CSRNP3: variants seen among roughly 807,000 people sequenced by gnomAD.
CSRNP3 encodes the protein cysteine/serine-rich nuclear protein 3.
A neutral mutation model predicts 48.0 loss-of-function variants in CSRNP3; 12 were observed. That is an observed-to-expected ratio of 0.25 (90% CI 0.16 to 0.41). The LOEUF is 0.41. Among genes scored for constraint, CSRNP3 ranks in the 10% least tolerant of loss-of-function variants. The pLI is 1.00. For missense variants in CSRNP3, 580 were observed against 724.4 expected (o/e 0.80, Z 2.29); for synonymous variants, 263 against 269.7 (o/e 0.98, Z 0.24).
At chr2:165,595,972 T>G (rs1486072645) in intron 4 of CSRNP3, among the ~76,000 whole-genome samples, 2 of 151,856 alleles carry the variant, frequency 1.3e-5, no homozygotes, top group South Asian at 2.1e-4. Context: ...AATTATTTTA[T>G]TTTATTTTTT....
At chr2:165,505,118 A>C (rs1382356408) in intron 2 of CSRNP3, among the ~76,000 whole-genome samples, 2 of 152,106 alleles carry the variant, frequency 1.3e-5, no homozygotes, top group Non-Finnish European at 2.9e-5. Flanking sequence ...TGGGGTTATA[A>C]ATTCATTCTT....
chr2:165,668,796 T>G (rs1687279896), intron 5 of CSRNP3, among the ~76,000 whole-genome samples: 2 of 152,298 alleles, frequency 1.3e-5, no homozygotes, highest in South Asian at 4.1e-4. Context: ...TAGAGTGTAC[T>G]GCCACGTTGT....
chr2:165,667,433 T>A (rs1040217721), intron 5 of CSRNP3, among the ~76,000 whole-genome samples: 6 of 152,212 alleles, frequency 3.9e-5, no homozygotes, highest in African/African-American at 1.2e-4. Context: ...ATATTGTTAT[T>A]CAGAACTAGC....
intron 5 of CSRNP3, among the ~76,000 whole-genome samples, chr2:165,669,816 C>T (rs1439305761): frequency 1.3e-5 from 2 of 152,136 alleles, no homozygotes; most frequent in African/African-American, 2.4e-5. Flanking sequence ...CGTGCCCACT[C>T]ACACATGCCC....
chr2:165,610,286 C>T (rs888624570), intron 4 of CSRNP3, among the ~76,000 whole-genome samples: 6 of 152,172 alleles, frequency 3.9e-5, no homozygotes, highest in African/African-American at 1.4e-4. Context: ...CTTAATCTAG[C>T]ATCTTTTCCA....
In CSRNP3 at chr2:165,679,114, G is replaced by A. The variant is rs1687480520; in HGVS notation, c.1119G>A (p.Glu373=). ...SLAPSESDEE[E]EEEEEEEEEE... Reference sequence around the variant, plus strand: ...CACCTAGTGAGTCAGACGAGGAGGAGGAGGAAGAAGAAGAGGAAGAGGAGG... The same window carrying A: ...CACCTAGTGAGTCAGACGAGGAGGAAGAGGAAGAAGAAGAGGAAGAGGAGG... Residue 373 remains glutamate, a synonymous_variant, in exon 7 of 7, where the codon GAG becomes GAA. Transcript: ENST00000651982. 6.8e-6 allele frequency: 11 copies of A among 1,613,882 alleles called. No individual in the cohort carries two copies. Among genetic ancestry groups the A allele is most frequent in the Non-Finnish European group, 9.3e-6 (11 of 1,179,936 alleles).
intron 3 of CSRNP3, among the ~76,000 whole-genome samples, chr2:165,533,671 T>C (rs1684845179): frequency 6.6e-6 from 1 of 152,112 alleles, no homozygotes. Context: ...TCTCTTCTGT[T>C]TTTTGTCAAG....
chr2:165,673,224 G>A (rs1687361111), intron 5 of CSRNP3, among the ~76,000 whole-genome samples: 2 of 123,540 alleles, frequency 1.6e-5, no homozygotes, highest in Admixed American at 2.2e-4. Context: ...TGCAACCTTT[G>A]CCTCCCAGGT....
intron 3 of CSRNP3, among the ~76,000 whole-genome samples, chr2:165,577,859 T>G (rs1685478053): frequency 6.6e-6 from 1 of 151,934 alleles, no homozygotes; most frequent in African/African-American, 2.4e-5. Context: ...GAGAGAAACC[T>G]TTCTCCATAT....
At chr2:165,546,347 C>T (rs1574831587) in intron 3 of CSRNP3, among the ~76,000 whole-genome samples, 2 of 152,102 alleles carry the variant, frequency 1.3e-5, no homozygotes, top group East Asian at 3.9e-4. Flanking sequence ...CGCCCGCCAC[C>T]AGGCCCAGCT....
At chr2:165,487,379 T>C (rs1684135567) in intron 1 of CSRNP3, among the ~76,000 whole-genome samples, 1 of 129,584 alleles carries the variant, frequency 7.7e-6, no homozygotes, top group African/African-American at 3.1e-5. Context: ...CTGCAGGATA[T>C]TATCCAGGAG....
intron 3 of CSRNP3, among the ~76,000 whole-genome samples, chr2:165,526,205 T>G (rs1400082502): frequency 6.6e-6 from 1 of 152,220 alleles, no homozygotes; most frequent in Non-Finnish European, 1.5e-5. Flanking sequence ...TTTGGTATTC[T>G]AATTCCTTTG....
chr2:165,476,761 T>G (rs1683967369), intron 1 of CSRNP3, among the ~76,000 whole-genome samples: 1 of 152,254 alleles, frequency 6.6e-6, no homozygotes, highest in African/African-American at 2.4e-5. Flanking sequence ...GCCTTAGTTT[T>G]CTTATCTGTA....
chr2:165,618,524 G>A (rs1686288676), intron 4 of CSRNP3, among the ~76,000 whole-genome samples: 1 of 152,160 alleles, frequency 6.6e-6, no homozygotes, highest in Non-Finnish European at 1.5e-5. Flanking sequence ...ATAAAGTTGG[G>A]CACCCTTGCT....
intron 1 of CSRNP3, among the ~76,000 whole-genome samples, chr2:165,484,594 G>T (rs1684088518): frequency 6.6e-6 from 1 of 152,144 alleles, no homozygotes; most frequent in African/African-American, 2.4e-5. Context: ...GTATTATAGG[G>T]TGTTTTTAAA....
intron 3 of CSRNP3, among the ~76,000 whole-genome samples, chr2:165,554,234 G>A (rs1685135336): frequency 6.6e-6 from 1 of 152,176 alleles, no homozygotes; most frequent in South Asian, 2.1e-4. Context: ...TTATATTCCT[G>A]TGCTGGTTCT....
chr2:165,540,876 G>A (rs1361050392), intron 3 of CSRNP3, among the ~76,000 whole-genome samples: 1 of 151,980 alleles, frequency 6.6e-6, no homozygotes, highest in Non-Finnish European at 1.5e-5. Context: ...CTTTAATATA[G>A]TTTCTGGGTA....
At chr2:165,579,311 G>A (rs1285243545) in intron 3 of CSRNP3, among the ~76,000 whole-genome samples, 2 of 152,212 alleles carry the variant, frequency 1.3e-5, no homozygotes, top group African/African-American at 2.4e-5. Flanking sequence ...CAAACCATAT[G>A]TGGCTAAATA....
At chr2:165,481,805 T>C (rs1684047171) in intron 1 of CSRNP3, among the ~76,000 whole-genome samples, 1 of 152,148 alleles carries the variant, frequency 6.6e-6, no homozygotes, top group South Asian at 2.1e-4. Flanking sequence ...TGGAGGCCAT[T>C]ATCCTAAGCA....
Sources: allele counts gnomAD v4.1 joint callset (sites outside exome capture counted in the v4.1 genomes callset), GRCh38; gene constraint gnomAD v4.1.1; transcripts MANE v1.5; gene names NCBI Gene and HGNC (gene_info 2026-07-23, HGNC 2026-07-21).